The following SLCO1B3 variants were observed in gnomAD, a reference collection of about 807,000 sequenced individuals.
SLCO1B3 encodes the protein liver-specific organic anion transporter 2.
SLCO1B3 carries 72 observed loss-of-function variants against 71.8 expected under a neutral mutation model. The ratio of observed to expected loss-of-function variants is 1.00; its 90% CI spans 0.83 to 1.22. The LOEUF (loss-of-function observed/expected upper bound fraction) is 1.22. Ranked by LOEUF, SLCO1B3 falls within the 50% of genes most tolerant of loss-of-function variation. The pLI, the probability that SLCO1B3 is intolerant of heterozygous loss-of-function variation, is 0.00. For missense variants in SLCO1B3, 911 were observed against 819.7 expected, an observed-to-expected ratio of 1.11 and a Z score of -1.36; for synonymous variants, 298 against 278.4, an observed-to-expected ratio of 1.07 and a Z score of -0.70.
At chr12:20,900,149 G>A (rs1046895582) in intron 14 of SLCO1B3, among the ~76,000 whole-genome samples, 3 of 152,104 alleles carry the variant, frequency 2.0e-5, no homozygotes, top group Admixed American at 6.6e-5. Flanking sequence ...AAGGGTCGCT[G>A]TGATTTTTTG....
chr12:20,850,716 A>G (rs1318786115), intron 3 of SLCO1B3, among the ~76,000 whole-genome samples: 1 of 152,100 alleles, frequency 6.6e-6, no homozygotes, highest in Non-Finnish European at 1.5e-5. Flanking sequence ...ATCCATATGT[A>G]CTTAATTTTT....
At chr12:20,851,321 T>G (rs1371048398) in intron 3 of SLCO1B3, among the ~76,000 whole-genome samples, 1 of 152,186 alleles carries the variant, frequency 6.6e-6, no homozygotes, top group Non-Finnish European at 1.5e-5. Context: ...TTCACATACT[T>G]ATTAACATTT....
intron 3 of SLCO1B3, among the ~76,000 whole-genome samples, chr12:20,846,640 C>G (rs958170383): frequency 1.3e-5 from 2 of 152,050 alleles, no homozygotes; most frequent in Non-Finnish European, 2.9e-5. Flanking sequence ...ATAACATAAT[C>G]CATGGATACT....
At chr12:20,904,658 G>A (rs1866199806) in intron 15 of SLCO1B3, among the ~76,000 whole-genome samples, 1 of 151,056 alleles carries the variant, frequency 6.6e-6, no homozygotes, top group Non-Finnish European at 1.5e-5. Context: ...AACTCTGTGT[G>A]GGAAGTCCAA....
At chr12:20,843,157 C>T (rs2121179135) in intron 3 of SLCO1B3, among the ~76,000 whole-genome samples, 1 of 152,238 alleles carries the variant, frequency 6.6e-6, no homozygotes, top group African/African-American at 2.4e-5. Flanking sequence ...AACCTTTATA[C>T]TCTCTGATAC....
intron 8 of SLCO1B3, among the ~76,000 whole-genome samples, chr12:20,863,819 C>T (rs1865320720): frequency 6.6e-6 from 1 of 152,156 alleles, no homozygotes; most frequent in Non-Finnish European, 1.5e-5. Flanking sequence ...TTCTCATCCA[C>T]TATAATCTGT....
At chr12:20,845,950 A>G (rs1243272167) in intron 3 of SLCO1B3, among the ~76,000 whole-genome samples, 1 of 145,502 alleles carries the variant, frequency 6.9e-6, no homozygotes, top group African/African-American at 2.5e-5. Flanking sequence ...GATTTCTTCT[A>G]TCATTATATA....
chr12:20,828,203 G>A (rs971195267), intron 3 of SLCO1B3, among the ~76,000 whole-genome samples: 10 of 151,276 alleles, frequency 6.6e-5, no homozygotes, highest in African/African-American at 2.0e-4. Context: ...ATGCTTTTAC[G>A]GTGCACTTGG....
Position 20,861,078 on chromosome 12 carries a change from A to G in SLCO1B3, c.421A>G (p.Thr141Ala). Residue 141 changes from threonine (T) to alanine (A), a missense_variant, in exon 6 of 16, where the codon ACC (threonine) becomes GCC (alanine). Coordinates refer to ENST00000381545, the MANE Select transcript of SLCO1B3 (RefSeq NM_019844.4). The stretch of plus-strand genomic sequence containing the variant: ...AGAAAATTCAACATCAAGTTTATCA[A>G]CCTGTTTAATTAATCAAACCTTATC... ...PSENSTSSLS[T>A]CLINQTLSFN... 6.2e-7 allele frequency: 1 copy of G among 1,604,824 alleles called. No individual in the cohort carries two copies. Among genetic ancestry groups the G allele is most frequent in the African/African-American group, 1.3e-5 (1 of 74,796 alleles).
Position 20,810,725 on chromosome 12 carries a change from G to T in SLCO1B3, c.-220G>T, listed in dbSNP as rs1159140071. 2 of 152,170 alleles carry T rather than the reference G, an allele frequency of 1.3e-5. No individual in the cohort carries two copies. Among genetic ancestry groups the T allele is most frequent in the Non-Finnish European group, 2.9e-5 (2 of 68,016 alleles). The allele number at this position is 152,170 out of a possible 1,614,324, so 9.4% of individuals were successfully genotyped here. Reference sequence around the variant, plus strand: ...AAGTGAGACTTTAACATCAGAAAAAGGATGGACTTGTTGCAGTTGCTGTAG... The same window carrying T: ...AAGTGAGACTTTAACATCAGAAAAATGATGGACTTGTTGCAGTTGCTGTAG... On this transcript the variant is annotated 5_prime_UTR_variant, in exon 1 of 16. The change creates a new upstream start codon in the 5' untranslated region. Coordinates refer to ENST00000381545, the MANE Select transcript of SLCO1B3 (RefSeq NM_019844.4).
intron 12 of SLCO1B3, 130 bp from the exon 13 acceptor site, chr12:20,883,288 C>G (rs1359375862): frequency 3.8e-6 from 2 of 524,486 alleles, no homozygotes; most frequent in Non-Finnish European, 6.1e-6. Context: ...TATTAAGCAA[C>G]TATATTTTTA....
At position 20,832,563 on chromosome 12, in the gene SLCO1B3, A is replaced by G. The variant is rs778138811; in HGVS notation, c.84+16741A>G. On this transcript the variant is annotated intron_variant, in intron 3 of 15. Transcript: ENST00000381545. ...GCCTTCATTGTCACTCCCTTTCTGGAATAATCACTCCACATATGTAACTGC... is the reference window on the plus strand; with the variant it reads ...GCCTTCATTGTCACTCCCTTTCTGGGATAATCACTCCACATATGTAACTGC... 5.5e-4 allele frequency among the ~76,000 whole-genome samples: 84 copies of G among 152,056 alleles called. 1 individual carries two copies. Among genetic ancestry groups the G allele is most frequent in the Non-Finnish European group, 9.4e-4 (64 of 67,994 alleles).
chr12:20,907,130 C>T (rs528169537), intron 15 of SLCO1B3, among the ~76,000 whole-genome samples: 5 of 151,966 alleles, frequency 3.3e-5, no homozygotes, highest in African/African-American at 4.8e-5. Context: ...AAAATGTGTG[C>T]GGAATATGCT....
chr12:20,847,469 A>G (rs889990762), intron 3 of SLCO1B3, among the ~76,000 whole-genome samples: 3 of 152,110 alleles, frequency 2.0e-5, no homozygotes, highest in African/African-American at 7.2e-5. Flanking sequence ...CTTCAACCTA[A>G]AAGAGGGCCT....
At position 20,889,875 on chromosome 12, in the gene SLCO1B3, G is replaced by T. The variant is rs1345050935; in HGVS notation, c.1682+6273G>T. 2.0e-5 allele frequency among the ~76,000 whole-genome samples: 3 copies of T among 150,464 alleles called. No homozygotes were observed. The East Asian group carries it at 5.9e-4, about 29-fold the overall frequency. ...TGATTTGTTGTATCTCAGAGGTTTT[G>T]GTATGTTGTGTCTTTATTTTCATTC... On this transcript the variant is annotated intron_variant, in intron 13 of 15. Coordinates refer to ENST00000381545, the MANE Select transcript of SLCO1B3 (RefSeq NM_019844.4).
rs1336415846 is a variant in SLCO1B3 at position 20,831,410 on chromosome 12, T to TCATCGAA, written c.84+15589_84+15595dup. 8.5e-5 allele frequency among the ~76,000 whole-genome samples: 12 copies of TCATCGAA among 141,746 alleles called. No individual in the cohort carries two copies. In the South Asian group the frequency reaches 2.6e-3, roughly 31 times the overall value. 93.0% of individuals were successfully genotyped at this position (141,746 alleles called of 152,430 possible). On this transcript the variant is annotated intron_variant, in intron 3 of 15. Transcript: ENST00000381545. ...GGAAAATGTTTGAATAAGGTTAACA[T>TCATCGAA]CATCGAAACCATTGCTAAATTGATT...
At chr12:20,839,115 T>C (rs959963262) in intron 3 of SLCO1B3, among the ~76,000 whole-genome samples, 1 of 151,296 alleles carries the variant, frequency 6.6e-6, no homozygotes, top group Non-Finnish European at 1.5e-5. Context: ...TATTGCATCA[T>C]TGTGTCATTC....
At chr12:20,833,118 C>T (rs140234104) in intron 3 of SLCO1B3, among the ~76,000 whole-genome samples, 18 of 152,178 alleles carry the variant, frequency 1.2e-4, no homozygotes, top group Admixed American at 2.0e-4. Context: ...GGCCCTTTTC[C>T]GTGTTCAAAG....
At chr12:20,835,336 A>C (rs1864656181) in intron 3 of SLCO1B3, among the ~76,000 whole-genome samples, 1 of 152,116 alleles carries the variant, frequency 6.6e-6, no homozygotes, top group African/African-American at 2.4e-5. Context: ...TCTCCTCATT[A>C]CTTACTCAAA....
Sources: gnomAD v4.1 joint callset for allele counts (sites outside exome capture counted in the v4.1 genomes callset) on GRCh38, gnomAD v4.1.1 for gene constraint, MANE v1.5 for transcripts, NCBI Gene and HGNC (gene_info 2026-07-23, HGNC 2026-07-21) for gene names.